The following FAAH2 variants were observed in gnomAD, a reference collection of about 807,000 sequenced individuals.
FAAH2 encodes fatty-acid amide hydrolase 2.
A neutral mutation model predicts 36.9 loss-of-function variants in FAAH2; 60 were observed. The observed-to-expected ratio is 1.63, with a 90% CI of 1.32 to 2.02. The LOEUF (loss-of-function observed/expected upper bound fraction) is 2.02. Ranked by LOEUF, FAAH2 falls within the 30% of genes most tolerant of loss-of-function variation. The probability of loss-of-function intolerance (pLI) is 0.00; values close to 1 mark genes in which losing one functional copy is unlikely to be tolerated. For synonymous variants in FAAH2, 214 were observed against 143.8 expected, an observed-to-expected ratio of 1.49 and a Z score of -3.49; for missense variants, 689 against 397.5, an observed-to-expected ratio of 1.73 and a Z score of -6.23.
chrX:57,412,937 C>G (rs945623160), intron 7 of FAAH2, among the ~76,000 whole-genome samples: 8 of 112,399 alleles, frequency 7.1e-5, no homozygotes, highest in Non-Finnish European at 1.1e-4. Flanking sequence ...GAGATGGTAT[C>G]TCATTGTGGT....
chrX:57,194,749 C>G, the FAAH2 span, among the ~76,000 whole-genome samples: 1 of 110,731 alleles, frequency 9.0e-6, no homozygotes, highest in South Asian at 3.8e-4. Flanking sequence ...CCCCCCCTTC[C>G]ACTCAGTACC....
intron 10 of FAAH2, among the ~76,000 whole-genome samples, chrX:57,449,362 T>A (rs905129472): frequency 9.0e-6 from 1 of 111,676 alleles, no homozygotes; most frequent in Non-Finnish European, 1.9e-5. Flanking sequence ...AATAAACCTG[T>A]GGTCCACTTA....
intron 2 of FAAH2, among the ~76,000 whole-genome samples, chrX:57,293,494 C>T (rs2052046304): frequency 9.0e-6 from 1 of 111,682 alleles, no homozygotes. Context: ...AACCATGATT[C>T]AAGAATATGG....
chrX:57,426,895 T>A (rs2056175440), intron 7 of FAAH2, among the ~76,000 whole-genome samples: 1 of 109,655 alleles, frequency 9.1e-6, no homozygotes, highest in East Asian at 2.9e-4. Context: ...ATAACAAACA[T>A]CAGAGCAAAA....
At chrX:57,160,006 C>T in the FAAH2 span, among the ~76,000 whole-genome samples, 8 of 111,818 alleles carry the variant, frequency 7.2e-5, no homozygotes, top group East Asian at 2.2e-3. Context: ...TTTTGAGATA[C>T]GTCCCATCAA....
the FAAH2 span, among the ~76,000 whole-genome samples, chrX:57,170,869 TA>T: frequency 9.8e-5 from 10 of 101,673 alleles, no homozygotes; most frequent in Non-Finnish European, 1.7e-4. Flanking sequence ...CATGACCAGC[TA>T]TTTTTTTTTT....
intron 6 of FAAH2, among the ~76,000 whole-genome samples, chrX:57,379,309 C>A (rs889095772): frequency 9.0e-6 from 1 of 111,405 alleles, no homozygotes; most frequent in African/African-American, 3.3e-5. Context: ...AAAATGCAAT[C>A]TATATGTAAC....
intron 5 of FAAH2, among the ~76,000 whole-genome samples, chrX:57,374,944 T>C (rs2054634589): frequency 8.9e-6 from 1 of 111,856 alleles, no homozygotes; most frequent in Non-Finnish European, 1.9e-5. Flanking sequence ...GTCAGATGCT[T>C]TTCTGCGTCT....
the FAAH2 span, chrX:57,137,670 C>T: frequency 1.8e-5 from 2 of 111,320 alleles, no homozygotes. Context: ...TGTAGGTGGC[C>T]TTTTCTCTCT....
At chrX:57,160,179 G>A in the FAAH2 span, among the ~76,000 whole-genome samples, 240 of 111,850 alleles carry the variant, frequency 2.1e-3, 1 homozygote, top group African/African-American at 7.4e-3. Context: ...TGAATCCCAG[G>A]GATGAAGCCC....
chrX:57,263,235 G>A, the FAAH2 span, among the ~76,000 whole-genome samples: 7 of 111,596 alleles, frequency 6.3e-5, no homozygotes, highest in Non-Finnish European at 1.3e-4. Context: ...GAACTAATAA[G>A]TTATTTCATC....
the FAAH2 span, among the ~76,000 whole-genome samples, chrX:57,133,796 A>G: frequency 8.9e-6 from 1 of 112,050 alleles, no homozygotes; most frequent in African/African-American, 3.2e-5. Flanking sequence ...TATTTGTTGG[A>G]CTGAATTGTG....
At position 57,406,472 on chromosome X, in the gene FAAH2, G is replaced by A. The variant is rs187747686; in HGVS notation, c.996+25443G>A. On this transcript the variant is annotated intron_variant, in intron 7 of 10. Transcript: ENST00000374900. ...TGGAAACACCCACCCTGATGGGGAC[G>A]GTAGAGGGAGTGTTTGGTTTGATAT... is the stretch of plus-strand genomic sequence containing the variant. 2.4e-3 allele frequency among the ~76,000 whole-genome samples: 266 copies of A among 111,955 alleles called. 1 individual carries two copies. Among genetic ancestry groups the A allele is most frequent in the African/African-American group, 8.3e-3 (257 of 30,840 alleles).
At chrX:57,303,743 T>C (rs1328331813) in intron 2 of FAAH2, among the ~76,000 whole-genome samples, 1 of 111,764 alleles carries the variant, frequency 8.9e-6, no homozygotes, top group African/African-American at 3.3e-5. Context: ...GATTGCAACA[T>C]TCTCAGATTA....
At chrX:57,375,672 A>T (rs1006259662) in intron 5 of FAAH2, among the ~76,000 whole-genome samples, 2 of 111,006 alleles carry the variant, frequency 1.8e-5, no homozygotes. Flanking sequence ...AAGAATTATT[A>T]TCTTTTTATA....
chrX:57,389,271 CACACACCT>C lies in FAAH2; in HGVS notation c.996+8249_996+8256del, dbSNP rs1344747593. On this transcript the variant is annotated intron_variant, in intron 7 of 10. Transcript: ENST00000374900. The stretch of plus-strand genomic sequence containing the variant: ...ACACACACATACACACGCACACACA[CACACACCT>C]ACACACACACACACATATATATATA... Among the ~76,000 whole-genome samples, 4 of 47,189 alleles carry C rather than the reference CACACACCT, an allele frequency of 8.5e-5. No individual in the cohort carries two copies. In the Admixed American group the frequency reaches 1.4e-3, roughly 16 times the overall value. 41.0% of individuals were successfully genotyped at this position (47,189 alleles called of 115,157 possible). A position where few individuals can be genotyped will look rare whatever the true frequency, so the allele number is the denominator to read the frequency against.
chrX:57,436,492 T>C lies in FAAH2; in HGVS notation c.1116+4455T>C, dbSNP rs929690723. On this transcript the variant is annotated intron_variant, in intron 8 of 10. Coordinates refer to ENST00000374900, the MANE Select transcript of FAAH2 (RefSeq NM_174912.4). ...AATAATCCACTATCCAGATTAATCA[T>C]GAAAAAAAGAGAGATTACAACAAAA... Among the ~76,000 whole-genome samples, 3 of 109,322 alleles carry C rather than the reference T, an allele frequency of 2.7e-5. No individual in the cohort carries two copies. In the Admixed American group the frequency reaches 2.9e-4, roughly 11 times the overall value. The allele number at this position is 109,322 out of a possible 115,157, so 94.9% of individuals were successfully genotyped here.
chrX:57,409,668 A>T (rs1175943929), intron 7 of FAAH2, among the ~76,000 whole-genome samples: 3 of 111,065 alleles, frequency 2.7e-5, no homozygotes, highest in Non-Finnish European at 5.7e-5. Flanking sequence ...TATTTCTTAT[A>T]GGTTATCCAA....
chrX:57,419,024 A>G (rs1404189212), intron 7 of FAAH2, among the ~76,000 whole-genome samples: 4 of 105,804 alleles, frequency 3.8e-5, no homozygotes, highest in Non-Finnish European at 7.8e-5. Context: ...AATTTCATCC[A>G]TGTCCCTACA....
Sources: gnomAD v4.1 joint callset for allele counts (sites outside exome capture counted in the v4.1 genomes callset) on GRCh38, gnomAD v4.1.1 for gene constraint, MANE v1.5 for transcripts, NCBI Gene and HGNC (gene_info 2026-07-23, HGNC 2026-07-21) for gene names.